CAMK2D: variants seen among roughly 807,000 people sequenced by gnomAD.
The protein encoded by CAMK2D is calcium/calmodulin-dependent protein kinase type II subunit delta.
In CAMK2D, 37 loss-of-function variants were observed where a neutral mutation model predicts 84.0. That is an observed-to-expected ratio of 0.44 (90% confidence interval 0.34 to 0.58). CAMK2D has a LOEUF of 0.58. Ranked by LOEUF, CAMK2D falls within the 20% of genes least tolerant of loss-of-function variation. CAMK2D has a pLI of 0.02. For synonymous variants in CAMK2D, 202 were observed against 212.5 expected, an observed-to-expected ratio of 0.95 and a Z score of 0.43; for missense variants, 448 against 652.5, an observed-to-expected ratio of 0.69 and a Z score of 3.41.
At chr4:113,743,681 A>G (rs2099598106) in intron 2 of CAMK2D, among the ~76,000 whole-genome samples, 1 of 152,144 alleles carries the variant, frequency 6.6e-6, no homozygotes, top group South Asian at 2.1e-4. Context: ...TCTGTGCCCA[A>G]TAAATACTAC....
intron 16 of CAMK2D, among the ~76,000 whole-genome samples, chr4:113,490,340 C>T (rs929224250): frequency 6.9e-6 from 1 of 145,208 alleles, no homozygotes; most frequent in African/African-American, 2.7e-5. Flanking sequence ...GGAAGGGATC[C>T]AGTTTCAGCT....
intron 16 of CAMK2D, among the ~76,000 whole-genome samples, chr4:113,482,688 C>A (rs2097715580): frequency 6.6e-6 from 1 of 152,136 alleles, no homozygotes; most frequent in Admixed American, 6.5e-5. Context: ...AAAGAAAACA[C>A]AATTGAGTAG....
rs535855607 is a variant in CAMK2D, at chr4:113,676,347, T to C, written c.161-14575A>G. On this transcript the variant is annotated intron_variant, in intron 2 of 20. Transcript: ENST00000511664. ...GCCATCCTCCTCCAGAATCAGGGAGTTAAAAATCACAGTTGCTGGCCATAA... is the reference window on the plus strand; with the variant it reads ...GCCATCCTCCTCCAGAATCAGGGAGCTAAAAATCACAGTTGCTGGCCATAA... 1.1e-4 allele frequency among the ~76,000 whole-genome samples: 17 copies of C among 152,266 alleles called. No homozygotes were observed. The South Asian group carries it at 3.5e-3, about 32-fold the overall frequency.
intron 4 of CAMK2D, among the ~76,000 whole-genome samples, chr4:113,590,984 A>G (rs938422128): frequency 6.6e-6 from 1 of 152,202 alleles, no homozygotes; most frequent in Admixed American, 6.5e-5. Flanking sequence ...TAAACAACTA[A>G]TAAGTCAACA....
intron 16 of CAMK2D, among the ~76,000 whole-genome samples, chr4:113,499,088 G>A (rs1384773593): frequency 6.6e-6 from 1 of 152,116 alleles, no homozygotes; most frequent in African/African-American, 2.4e-5. Context: ...AAGAGCTAAT[G>A]AATCCAAAAC....
intron 16 of CAMK2D, among the ~76,000 whole-genome samples, chr4:113,471,476 C>T (rs1457884075): frequency 6.6e-6 from 1 of 152,100 alleles, no homozygotes; most frequent in Non-Finnish European, 1.5e-5. Flanking sequence ...CAAAATGAAC[C>T]TCAGTATTTT....
At chr4:113,513,782 T>C (rs760971284) in intron 11 of CAMK2D, 48 bp downstream of exon 11, 5 of 846,766 alleles carry the variant, frequency 5.9e-6, no homozygotes, top group Non-Finnish European at 9.9e-6. Flanking sequence ...GTATTTCACT[T>C]CTTAGTCTGT....
At chr4:113,480,968 C>A (rs893924547) in intron 16 of CAMK2D, among the ~76,000 whole-genome samples, 1 of 152,164 alleles carries the variant, frequency 6.6e-6, no homozygotes, top group Non-Finnish European at 1.5e-5. Flanking sequence ...TCTGCTGGCA[C>A]CTTGATCTTA....
chr4:113,471,729 C>A (rs779357554), intron 16 of CAMK2D, among the ~76,000 whole-genome samples: 3 of 152,084 alleles, frequency 2.0e-5, no homozygotes, highest in Non-Finnish European at 4.4e-5. Flanking sequence ...TCTCCCACAC[C>A]GGCCTCTCTC....
At chr4:113,580,962 G>T (rs987969211) in intron 4 of CAMK2D, among the ~76,000 whole-genome samples, 4 of 151,962 alleles carry the variant, frequency 2.6e-5, no homozygotes, top group Non-Finnish European at 5.9e-5. Context: ...GCTAATGCAT[G>T]CTGGGCTTAA....
chr4:113,660,937 A>G (rs979109069), intron 3 of CAMK2D, among the ~76,000 whole-genome samples: 1 of 151,778 alleles, frequency 6.6e-6, no homozygotes, highest in Admixed American at 6.6e-5. Flanking sequence ...CTGGGACTAC[A>G]GGCGCCCGCC....
At chr4:113,661,133 T>C (rs891207791) in intron 3 of CAMK2D, among the ~76,000 whole-genome samples, 1 of 152,180 alleles carries the variant, frequency 6.6e-6, no homozygotes, top group Non-Finnish European at 1.5e-5. Flanking sequence ...AAAAGCACTA[T>C]TCAAATGAGA....
At chr4:113,594,496 T>C (rs1372433831) in intron 4 of CAMK2D, among the ~76,000 whole-genome samples, 2 of 152,148 alleles carry the variant, frequency 1.3e-5, no homozygotes, top group Admixed American at 1.3e-4. Context: ...CTGTGAATCA[T>C]ATATGAAGGG....
intron 2 of CAMK2D, among the ~76,000 whole-genome samples, chr4:113,706,648 G>A (rs2099457798): frequency 6.6e-6 from 1 of 152,138 alleles, no homozygotes; most frequent in Admixed American, 6.6e-5. Flanking sequence ...ACTATTTAGT[G>A]CTATTTAACA....
intron 5 of CAMK2D, 98 bp from the exon 6 acceptor site, chr4:113,547,814 C>T: frequency 1.5e-6 from 1 of 663,346 alleles, no homozygotes; most frequent in Non-Finnish European, 2.5e-6. Context: ...AGCTAGCAGA[C>T]AACTGGGGTT....
At chr4:113,566,438 G>A (rs2098724270) in intron 4 of CAMK2D, among the ~76,000 whole-genome samples, 1 of 151,686 alleles carries the variant, frequency 6.6e-6, no homozygotes, top group Non-Finnish European at 1.5e-5. Flanking sequence ...CTTCCATTCT[G>A]CCCTCCTATA....
chr4:113,478,436 T>C (rs2097657868), intron 16 of CAMK2D, among the ~76,000 whole-genome samples: 1 of 152,240 alleles, frequency 6.6e-6, no homozygotes, highest in South Asian at 2.1e-4. Context: ...ACTCTTCATA[T>C]ATTTAAATAG....
chr4:113,647,161 T>TG (rs1196422653), intron 3 of CAMK2D, among the ~76,000 whole-genome samples: 1 of 152,184 alleles, frequency 6.6e-6, no homozygotes, highest in African/African-American at 2.4e-5. Context: ...CATTACCTTT[T>TG]TGTGTGTGAA....
intron 4 of CAMK2D, among the ~76,000 whole-genome samples, chr4:113,588,254 T>C (rs903301436): frequency 6.6e-6 from 1 of 152,162 alleles, no homozygotes; most frequent in African/African-American, 2.4e-5. Context: ...TAATTGAATA[T>C]CCTACTTTAC....
Sources: gnomAD v4.1 joint callset for allele counts (sites outside exome capture counted in the v4.1 genomes callset) on GRCh38, gnomAD v4.1.1 for gene constraint, MANE v1.5 for transcripts, NCBI Gene and HGNC (gene_info 2026-07-23, HGNC 2026-07-21) for gene names.